Variants in APEX1 observed in about 807,000 individuals in gnomAD.
APEX1 encodes DNA repair nuclease/redox regulator APEX1.
A neutral mutation model predicts 33.2 loss-of-function variants in APEX1; 32 were observed. The observed-to-expected ratio is 0.96, with a 90% CI of 0.73 to 1.29. The LOEUF is 1.29. APEX1 is among the 50% of genes most tolerant of loss of function. APEX1 has a pLI of 0.00. For missense variants in APEX1, 442 were observed against 395.6 expected, an observed-to-expected ratio of 1.12 and a Z score of -0.99; for synonymous variants, 175 against 156.6, an observed-to-expected ratio of 1.12 and a Z score of -0.88.
chr14:20,456,760 A>C lies in APEX1; in HGVS notation c.339A>C (p.Gly113=), dbSNP rs535864709. ...KLPAELQELP[G]LSHQYWSAPS... ...CAGCTGAACTTCAGGAGCTGCCTGG[A>C]CTCTCTCATCAATACTGGTCAGCTC... The change falls in exon 4 of 5, where the codon GGA becomes GGC. Residue 113 remains glycine (G), a synonymous_variant. Transcript: ENST00000216714. 1.7e-4 allele frequency: 274 copies of C among 1,614,062 alleles called. 7 individuals carry two copies. In the South Asian group the frequency reaches 2.9e-3, roughly 17 times the overall value.
chr14:20,457,520 A>C lies in APEX1; in HGVS notation c.*12A>C. On this transcript the variant is annotated 3_prime_UTR_variant, in exon 5 of 5. Transcript: ENST00000216714. ...ACCTAGCACTGTGACACCACCCCTA[A>C]ATCACTTTGAGCCTGGGAAATAAGC... 2 of 1,612,914 alleles carry C rather than the reference A, an allele frequency of 1.2e-6. No individual in the cohort carries two copies. The highest frequency in any genetic ancestry group is 1.1e-5 in the South Asian group (1 of 91,072).
At position 20,455,952 on chromosome 14, in the gene APEX1, A is replaced by G; in HGVS notation, c.97A>G (p.Asn33Asp). 1.2e-6 allele frequency: 2 copies of G among 1,614,178 alleles called. No homozygotes were observed. Among genetic ancestry groups the G allele is most frequent in the South Asian group, 2.2e-5 (2 of 91,082 alleles). Reference sequence around the variant, plus strand: ...GAAGAGTAAGACGGCCGCAAAGAAAAATGACAAAGAGGCAGCAGGAGAGGG... The same window carrying G: ...GAAGAGTAAGACGGCCGCAAAGAAAGATGACAAAGAGGCAGCAGGAGAGGG... The part of the protein sequence containing the change: ...AKKSKTAAKK[N>D]DKEAAGEGPA... Residue 33 changes from asparagine (N) to aspartate (D), a missense_variant, in exon 3 of 5, where the codon AAT becomes GAT. Physicochemically the swap from Asn to Asp is conservative, Grantham distance 23. Coordinates refer to ENST00000216714, the MANE Select transcript of APEX1 (RefSeq NM_001641.4).
rs967960316 is a variant in APEX1, at chr14:20,457,760, T to C, written c.*252T>C. On this transcript the variant is annotated 3_prime_UTR_variant, in exon 5 of 5. Transcript: ENST00000216714. ...TTATCCACATGAAAATAAAGAGCCA[T>C]AGTTTCAGCCTTGCTGTCTTCGTGT... The C allele has an allele frequency of 5.5e-6, 3 of 548,294 alleles. No homozygotes were observed. The highest frequency in any genetic ancestry group is 3.8e-5 in the African/African-American group (2 of 52,696). The allele number at this position is 548,294 out of a possible 1,614,324, so 34.0% of individuals were successfully genotyped here.
rs1434543521 is a variant in APEX1, at chr14:20,455,230, T to C, written c.-233T>C. On this transcript the variant is annotated 5_prime_UTR_variant, in exon 1 of 5. Coordinates refer to ENST00000216714, the MANE Select transcript of APEX1 (RefSeq NM_001641.4). ...CGTGGGGGCTCAGCGTGCACCCTTC[T>C]TTGTGCTCGGGTTAGGAGGAGCTAG... The C allele has an allele frequency of 1.7e-5, 6 of 356,878 alleles. No homozygotes were observed. The highest frequency in any genetic ancestry group is 3.2e-5 in the Non-Finnish European group (6 of 190,018). 22.1% of individuals were successfully genotyped at this position (356,878 alleles called of 1,614,324 possible). A position where few individuals can be genotyped will look rare whatever the true frequency, so the allele number is the denominator to read the frequency against.
rs143215922 is a variant in APEX1 at position 20,457,043 on chromosome 14, G to A, written c.492G>A (p.Ser164=). 9.0e-5 allele frequency: 145 copies of A among 1,614,076 alleles called. No homozygotes were observed. Among genetic ancestry groups the A allele is most frequent in the Admixed American group, 1.8e-4 (11 of 60,008 alleles). The change falls in exon 5 of 5, where the codon TCG becomes TCA. Residue 164 remains serine, a synonymous_variant. Coordinates refer to ENST00000216714, the MANE Select transcript of APEX1 (RefSeq NM_001641.4). ...EGRVIVAEFD[S]FVLVTAYVPN... ...GGGTGATTGTGGCTGAATTTGACTC[G>A]TTTGTGCTGGTAACAGCATATGTAC... is the stretch of plus-strand genomic sequence containing the variant.
rs752680733 is a variant in APEX1, at chr14:20,456,649, CCTTT to C, written c.247-14_247-11del. 1 of 1,608,400 alleles carries C rather than the reference CCTTT, an allele frequency of 6.2e-7. No homozygotes were observed. The highest frequency in any genetic ancestry group is 8.5e-7 in the Non-Finnish European group (1 of 1,175,034). On this transcript the variant is annotated splice_polypyrimidine_tract_variant and intron_variant, in intron 3 of 4. Transcript: ENST00000216714. ...TGCTGAATTGATAATACGTTTTCCA[CCTTT>C]CTTTTCACTTACAGTGGGTAAAGGA...
Position 20,456,805 on chromosome 14 carries a change from C to T in APEX1, c.384C>T (p.Tyr128=), listed in dbSNP as rs1254019119. 2 of 1,614,226 alleles carry T rather than the reference C, an allele frequency of 1.2e-6. No individual in the cohort carries two copies. Among genetic ancestry groups the T allele is most frequent in the Non-Finnish European group, 1.7e-6 (2 of 1,180,046 alleles). Residue 128 remains tyrosine, a synonymous_variant, in exon 4 of 5, where the codon TAC becomes TAT. Transcript: ENST00000216714. ...YWSAPSDKEG[Y]SGVGLLSRQC... ...CAGCTCCTTCGGACAAGGAAGGGTA[C>T]AGTGGCGTGGGCCTGCTTTCCCGCC...
chr14:20,457,665 AT>A lies in APEX1; in HGVS notation c.*163del. On this transcript the variant is annotated 3_prime_UTR_variant, in exon 5 of 5. Coordinates refer to ENST00000216714, the MANE Select transcript of APEX1 (RefSeq NM_001641.4). The stretch of plus-strand genomic sequence containing the variant: ...GTGATAGAGTTCTTTTAAGCCCAAG[AT>A]TTTTTATTTGAGGGTTTTTTGTTTT... 1 of 1,048,708 alleles carries A rather than the reference AT, an allele frequency of 9.5e-7. No individual in the cohort carries two copies. Among genetic ancestry groups the A allele is most frequent in the Non-Finnish European group, 1.4e-6 (1 of 719,398 alleles). The allele number at this position is 1,048,708 out of a possible 1,614,324, so 65.0% of individuals were successfully genotyped here. A position where few individuals can be genotyped will look rare whatever the true frequency, so the allele number is the denominator to read the frequency against.
Position 20,455,593 on chromosome 14 carries a change from T to C in APEX1, c.-53T>C. ...GCGTCTGTAGGCAACGCGGTAAAAA[T>C]ATTGCTTCGGTGGGTGACGCGGTAC... is the stretch of plus-strand genomic sequence containing the variant. On this transcript the variant is annotated 5_prime_UTR_variant, in exon 2 of 5. Coordinates refer to ENST00000216714, the MANE Select transcript of APEX1 (RefSeq NM_001641.4). 6.2e-7 allele frequency: 1 copy of C among 1,612,252 alleles called. No individual in the cohort carries two copies.
In APEX1 at chr14:20,455,628, A is replaced by G. The variant is rs1054565866; in HGVS notation, c.-18A>G. ...GTGGGTGACGCGGTACAGCTGCCCA[A>G]GGGCGTTCGTAACGGGAATGCCGAA... is the stretch of plus-strand genomic sequence containing the variant. On this transcript the variant is annotated 5_prime_UTR_variant, in exon 2 of 5. Coordinates refer to ENST00000216714, the MANE Select transcript of APEX1 (RefSeq NM_001641.4). The G allele has an allele frequency of 1.2e-6, 2 of 1,613,118 alleles. No homozygotes were observed. Among genetic ancestry groups the G allele is most frequent in the Admixed American group, 3.3e-5 (2 of 60,028 alleles).
In APEX1 at chr14:20,457,265, A is replaced by G. The variant is rs761146556; in HGVS notation, c.714A>G (p.Gln238=). The G allele has an allele frequency of 7.4e-6, 12 of 1,614,274 alleles. No homozygotes were observed. In the East Asian group the frequency reaches 2.7e-4, roughly 36 times the overall value. The change falls in exon 5 of 5, where the codon CAA becomes CAG. Residue 238 remains glutamine, a synonymous_variant. Transcript: ENST00000216714. ...CTGGCTTCACGCCACAAGAGCGCCA[A>G]GGCTTCGGGGAATTACTGCAGGCTG... The part of the protein sequence containing the change: ...KNAGFTPQER[Q]GFGELLQAVP...
In APEX1 at chr14:20,455,668, G is replaced by C; in HGVS notation, c.23G>C (p.Gly8Ala). The C allele has an allele frequency of 6.2e-7, 1 of 1,614,022 alleles. No individual in the cohort carries two copies. The highest frequency in any genetic ancestry group is 8.5e-7 in the Non-Finnish European group (1 of 1,180,048). ...GGAATGCCGAAGCGTGGGAAAAAGG[G>C]AGCGGTGGCGGAAGACGGGGATGAG... MPKRGKK[G>A]AVAEDGDELR... is the part of the protein sequence containing the mutation. Residue 8 changes from glycine (G) to alanine (A), a missense_variant, in exon 2 of 5, where the codon GGA becomes GCA. By Grantham distance (60) the Gly-to-Ala change is moderately conservative. Coordinates refer to ENST00000216714, the MANE Select transcript of APEX1 (RefSeq NM_001641.4).
chr14:20,456,300 T>C (rs1183455500), intron 3 of APEX1, among the ~76,000 whole-genome samples, 199 bp downstream of exon 3: 3 of 152,232 alleles, frequency 2.0e-5, no homozygotes, highest in African/African-American at 7.2e-5. Flanking sequence ...TTTTTTAGTG[T>C]TCTCTCCTCT....
rs776757071 is a variant in APEX1, at chr14:20,457,110, C to T, written c.559C>T (p.Arg187Cys). The stretch of plus-strand genomic sequence containing the variant: ...TCTGGTACGACTGGAGTACCGGCAG[C>T]GCTGGGATGAAGCCTTTCGCAAGTT... ...RGLVRLEYRQ[R>C]WDEAFRKFLK... Residue 187 changes from arginine (R) to cysteine (C), a missense_variant, in exon 5 of 5, where the codon CGC becomes TGC. Coordinates refer to ENST00000216714, the MANE Select transcript of APEX1 (RefSeq NM_001641.4). 10 of 1,614,070 alleles carry T rather than the reference C, an allele frequency of 6.2e-6. No homozygotes were observed. Among genetic ancestry groups the T allele is most frequent in the South Asian group, 2.2e-5 (2 of 91,094 alleles).
At chr14:20,455,484 C>G (rs755444668) in intron 1 of APEX1, 90 bp downstream of exon 1, 14 of 1,140,760 alleles carry the variant, frequency 1.2e-5, no homozygotes, top group Non-Finnish European at 1.8e-5. Context: ...TTAGAGATAA[C>G]GTGGTTTGAA....
rs750327418 is a variant in APEX1, at chr14:20,456,736, A to T, written c.315A>T (p.Pro105=). Residue 105 remains proline, a synonymous_variant, in exon 4 of 5, where the codon CCA becomes CCT. Transcript: ENST00000216714. ...CCAAATGTTCAGAGAACAAACTACC[A>T]GCTGAACTTCAGGAGCTGCCTGGAC... ...QETKCSENKL[P]AELQELPGLS... is the part of the protein sequence containing the mutation. 26 of 1,614,124 alleles carry T rather than the reference A, an allele frequency of 1.6e-5. No individual in the cohort carries two copies. The South Asian group carries it at 2.9e-4, about 18-fold the overall frequency.
rs1184609076 is a variant in APEX1 at position 20,455,955 on chromosome 14, G to A, written c.100G>A (p.Asp34Asn). The stretch of plus-strand genomic sequence containing the variant: ...GAGTAAGACGGCCGCAAAGAAAAAT[G>A]ACAAAGAGGCAGCAGGAGAGGGCCC... ...KKSKTAAKKN[D>N]KEAAGEGPAL... The change falls in exon 3 of 5, where the codon GAC (aspartate) becomes AAC (asparagine). Residue 34 changes from aspartate (D) to asparagine (N), a missense_variant. Physicochemically the swap from Asp to Asn is conservative, Grantham distance 23 (BLOSUM62 1). Coordinates refer to ENST00000216714, the MANE Select transcript of APEX1 (RefSeq NM_001641.4). 1 of 1,614,174 alleles carries A rather than the reference G, an allele frequency of 6.2e-7. No individual in the cohort carries two copies. The highest frequency in any genetic ancestry group is 1.7e-5 in the Admixed American group (1 of 60,028).
rs1176652658 is a variant in APEX1, at chr14:20,456,100, A to G, written c.245A>G (p.Asp82Gly). The change falls in exon 3 of 5, where the codon GAT (aspartate) becomes GGT (glycine). Residue 82 changes from aspartate to glycine, a missense_variant and splice_region_variant. Physicochemically the swap from Asp to Gly is moderately conservative, Grantham distance 94 (BLOSUM62 -1). Coordinates refer to ENST00000216714, the MANE Select transcript of APEX1 (RefSeq NM_001641.4). ...GCCTGGATTAAGAAGAAAGGATTAG[A>G]TGTGAGTGGAATTTGAGGGAAAGAG... ...LRAWIKKKGL[D>G]WVKEEAPDIL... 3 of 1,614,060 alleles carry G rather than the reference A, an allele frequency of 1.9e-6. No individual in the cohort carries two copies. The highest frequency in any genetic ancestry group is 1.6e-4 in the Middle Eastern group (1 of 6,062).
In APEX1 at chr14:20,457,208, C is replaced by T. The variant is rs753003728; in HGVS notation, c.657C>T (p.Asp219=). 27 of 1,614,080 alleles carry T rather than the reference C, an allele frequency of 1.7e-5. No individual in the cohort carries two copies. The highest frequency in any genetic ancestry group is 2.3e-5 in the Non-Finnish European group (27 of 1,180,038). ...TCAATGTGGCACATGAAGAAATTGACCTTCGCAACCCCAAGGGGAACAAAA... is the reference window on the plus strand; with the variant it reads ...TCAATGTGGCACATGAAGAAATTGATCTTCGCAACCCCAAGGGGAACAAAA... The part of the protein sequence containing the change: ...GDLNVAHEEI[D]LRNPKGNKKN... The change falls in exon 5 of 5, where the codon GAC becomes GAT. Residue 219 remains aspartate, a synonymous_variant. Coordinates refer to ENST00000216714, the MANE Select transcript of APEX1 (RefSeq NM_001641.4).
Sources: gnomAD v4.1 joint callset for allele counts (sites outside exome capture counted in the v4.1 genomes callset) on GRCh38, gnomAD v4.1.1 for gene constraint, MANE v1.5 for transcripts, NCBI Gene and HGNC (gene_info 2026-07-23, HGNC 2026-07-21) for gene names.